CFAP47: variants seen among roughly 807,000 people sequenced by gnomAD.
CFAP47 encodes cilia and flagella associated protein 47, also known as cilia- and flagella-associated protein 47.
In CFAP47, 29 loss-of-function variants were observed where a neutral mutation model predicts 148.1. That is an observed-to-expected ratio of 0.20 (90% CI 0.15 to 0.27). The LOEUF (loss-of-function observed/expected upper bound fraction) is 0.27. Ranked by LOEUF, CFAP47 falls within the 10% of genes least tolerant of loss-of-function variation. The pLI is 1.00. For synonymous variants in CFAP47, 664 were observed against 577.3 expected (o/e 1.15, Z -2.15); for missense variants, 1,872 against 1,697.5 (o/e 1.10, Z -1.81).
Position 36,246,583 on chromosome X carries a change from C to T in CFAP47, c.7333-4750C>T, listed in dbSNP as rs781876917. Among the ~76,000 whole-genome samples the T allele has an allele frequency of 9.0e-5, 10 of 111,303 alleles. No homozygotes were observed. In the East Asian group the frequency reaches 2.6e-3, roughly 29 times the overall value. On this transcript the variant is annotated intron_variant, in intron 48 of 63. Coordinates refer to ENST00000378653, the MANE Select transcript of CFAP47 (RefSeq NM_001304548.2). The stretch of plus-strand genomic sequence containing the variant: ...CCATAAGATCTCATGAGAATTCACT[C>T]GCTGTCATGAGAACAGCATGGGAAA...
chrX:36,371,808 A>G lies in CFAP47; in HGVS notation c.9185+4681A>G, dbSNP rs191622570. On this transcript the variant is annotated intron_variant, in intron 62 of 63. Coordinates refer to ENST00000378653, the MANE Select transcript of CFAP47 (RefSeq NM_001304548.2). ...TATATGTGTGTATATACACACATGT[A>G]TATATGTGTGCATATACACACATGT... 9.7e-4 allele frequency among the ~76,000 whole-genome samples: 62 copies of G among 64,196 alleles called. 9 individuals carry two copies. The highest frequency in any genetic ancestry group is 3.2e-3 in the African/African-American group (38 of 11,753). 55.7% of individuals were successfully genotyped at this position (64,196 alleles called of 115,157 possible). A position where few individuals can be genotyped will look rare whatever the true frequency, so the allele number is the denominator to read the frequency against.
intron 48 of CFAP47, among the ~76,000 whole-genome samples, chrX:36,241,075 A>G (rs1321575343): frequency 9.0e-6 from 1 of 110,880 alleles, no homozygotes; most frequent in Admixed American, 9.5e-5. Flanking sequence ...TACATGGGGT[A>G]CCTGAGTGCT....
intron 44 of CFAP47, among the ~76,000 whole-genome samples, chrX:36,202,078 T>TCGTATATATAATAAG (rs782578780): frequency 9.0e-6 from 1 of 111,385 alleles, no homozygotes; most frequent in South Asian, 3.8e-4. Context: ...AATGCTTACC[T>TCGTATATATAATAAG]CGTATATATA....
chrX:36,111,796 G>A (rs945881214), intron 33 of CFAP47, among the ~76,000 whole-genome samples: 7 of 111,399 alleles, frequency 6.3e-5, no homozygotes, highest in African/African-American at 2.0e-4. Flanking sequence ...GCTCATTATC[G>A]GTTTGCTCAG....
At chrX:36,007,182 T>C (rs1936991057) in intron 21 of CFAP47, among the ~76,000 whole-genome samples, 1 of 112,348 alleles carries the variant, frequency 8.9e-6, no homozygotes, top group South Asian at 3.6e-4. Flanking sequence ...GAATTGTTCA[T>C]GCTTTTTATT....
intron 39 of CFAP47, 81 bp downstream of exon 39, chrX:36,160,850 C>CTT (rs147566241): frequency 1.7e-3 from 264 of 158,146 alleles, no homozygotes; most frequent in Non-Finnish European, 2.0e-3. Flanking sequence ...TTCTTTCTTT[C>CTT]TTTTTTTTTT....
chrX:36,100,261 C>G (rs1435436314), intron 32 of CFAP47, among the ~76,000 whole-genome samples: 1 of 111,946 alleles, frequency 8.9e-6, no homozygotes, highest in Non-Finnish European at 1.9e-5. Context: ...GAAATACAGT[C>G]TCTAGAATGA....
chrX:36,151,543 G>A (rs6527540), intron 37 of CFAP47, among the ~76,000 whole-genome samples: 67 of 110,997 alleles, frequency 6.0e-4, no homozygotes, highest in Non-Finnish European at 9.8e-4. Context: ...TATTGGACAC[G>A]GAGACATTAA....
chrX:36,020,958 C>G (rs1417161847), intron 22 of CFAP47, among the ~76,000 whole-genome samples: 2 of 111,136 alleles, frequency 1.8e-5, no homozygotes, highest in Admixed American at 9.6e-5. Context: ...AATTTAGTCT[C>G]TCACTTTTTA....
At chrX:35,968,537 G>A (rs1314619107) in intron 10 of CFAP47, among the ~76,000 whole-genome samples, 2 of 111,361 alleles carry the variant, frequency 1.8e-5, no homozygotes, top group African/African-American at 6.5e-5. Context: ...CTGCCTGCTT[G>A]TATGCTACTA....
chrX:36,196,588 A>C (rs782375743), intron 42 of CFAP47, among the ~76,000 whole-genome samples: 2 of 111,025 alleles, frequency 1.8e-5, no homozygotes, highest in Non-Finnish European at 3.8e-5. Flanking sequence ...GTGCCAATTC[A>C]GTGTTTGTAT....
intron 32 of CFAP47, among the ~76,000 whole-genome samples, chrX:36,101,757 A>G (rs1269401453): frequency 8.9e-6 from 1 of 112,028 alleles, no homozygotes; most frequent in Non-Finnish European, 1.9e-5. Flanking sequence ...AGCCTAGTCA[A>G]GATGATTCTT....
At chrX:35,967,349 C>A (rs1297677927) in intron 9 of CFAP47, among the ~76,000 whole-genome samples, 1 of 110,873 alleles carries the variant, frequency 9.0e-6, no homozygotes, top group African/African-American at 3.3e-5. Flanking sequence ...TTTGGACCAA[C>A]AAAAAATTTA....
At chrX:36,140,508 A>G (rs924529307) in intron 35 of CFAP47, among the ~76,000 whole-genome samples, 2 of 106,468 alleles carry the variant, frequency 1.9e-5, no homozygotes, top group African/African-American at 7.6e-5. Flanking sequence ...GATTTGATGA[A>G]TGAAGTAATT....
intron 42 of CFAP47, among the ~76,000 whole-genome samples, chrX:36,190,710 T>C (rs1939856486): frequency 9.0e-6 from 1 of 110,565 alleles, no homozygotes; most frequent in African/African-American, 3.3e-5. Context: ...ACCTACACTT[T>C]CAAAACTAGC....
intron 1 of CFAP47, 72 bp downstream of exon 1, chrX:35,920,120 C>A (rs1362884989): frequency 2.4e-5 from 26 of 1,070,555 alleles, no homozygotes; most frequent in Non-Finnish European, 3.2e-5. Flanking sequence ...CTCTTTGCCC[C>A]AGGGAGTAGT....
At chrX:36,054,830 T>C (rs1380253364) in intron 26 of CFAP47, among the ~76,000 whole-genome samples, 2 of 110,703 alleles carry the variant, frequency 1.8e-5, no homozygotes. Flanking sequence ...TGGAGTGCAG[T>C]CGTGTGATCT....
At chrX:36,231,048 G>T (rs1940348206) in intron 46 of CFAP47, among the ~76,000 whole-genome samples, 1 of 107,791 alleles carries the variant, frequency 9.3e-6, no homozygotes, top group African/African-American at 3.5e-5. Context: ...GTAGTGTGAT[G>T]CCTCCAGCTT....
intron 51 of CFAP47, among the ~76,000 whole-genome samples, chrX:36,287,424 C>A (rs1941145278): frequency 9.0e-6 from 1 of 111,516 alleles, no homozygotes; most frequent in East Asian, 2.8e-4. Flanking sequence ...TAATTGCTAT[C>A]ATTTTTGCTT....
Sources: allele counts gnomAD v4.1 joint callset (sites outside exome capture counted in the v4.1 genomes callset), GRCh38; gene constraint gnomAD v4.1.1; transcripts MANE v1.5; gene names NCBI Gene and HGNC (gene_info 2026-07-23, HGNC 2026-07-21).